The following SGCZ variants were observed in gnomAD, a reference collection of about 807,000 sequenced individuals.
The protein encoded by SGCZ is zeta-sarcoglycan.
SGCZ carries 40 observed loss-of-function variants against 41.3 expected under a neutral mutation model. That is an observed-to-expected ratio of 0.97 (90% CI 0.75 to 1.26). The LOEUF is 1.26. Among genes scored for constraint, SGCZ ranks in the 50% most tolerant of loss-of-function variants. The pLI is 0.00. For missense variants in SGCZ, 552 were observed against 369.8 expected, an observed-to-expected ratio of 1.49 and a Z score of -4.04; for synonymous variants, 206 against 137.5, an observed-to-expected ratio of 1.50 and a Z score of -3.49.
chr8:15,011,785 C>T (rs1802835025), intron 1 of SGCZ, among the ~76,000 whole-genome samples: 1 of 152,138 alleles, frequency 6.6e-6, no homozygotes, highest in Admixed American at 6.6e-5. Flanking sequence ...ATTGTATGAA[C>T]TTATCACTGC....
intron 1 of SGCZ, among the ~76,000 whole-genome samples, chr8:14,662,930 T>C (rs191544949): frequency 3.3e-5 from 5 of 151,852 alleles, no homozygotes; most frequent in Admixed American, 3.3e-4. Flanking sequence ...TAGAAATGGG[T>C]TTCAGCTGAC....
At chr8:14,470,106 G>C (rs1050832550) in intron 2 of SGCZ, among the ~76,000 whole-genome samples, 2 of 151,982 alleles carry the variant, frequency 1.3e-5, no homozygotes, top group Non-Finnish European at 2.9e-5. Flanking sequence ...CAATCTGTGA[G>C]GTCTGATGCT....
chr8:14,461,224 T>G (rs913038416), intron 2 of SGCZ, among the ~76,000 whole-genome samples: 3 of 152,136 alleles, frequency 2.0e-5, no homozygotes, highest in African/African-American at 7.2e-5. Context: ...ATAACTTGTT[T>G]TGGCAGTAGT....
chr8:14,591,281 C>T (rs1805231437), intron 1 of SGCZ, among the ~76,000 whole-genome samples: 1 of 151,818 alleles, frequency 6.6e-6, no homozygotes, highest in Non-Finnish European at 1.5e-5. Flanking sequence ...CAAACTAAGT[C>T]TACTTAGAAA....
chr8:14,111,086 A>G (rs201507935), intron 5 of SGCZ, among the ~76,000 whole-genome samples: 2 of 49,350 alleles, frequency 4.1e-5, no homozygotes, highest in African/African-American at 1.9e-4. Flanking sequence ...AACAAACTTT[A>G]AAAAAAAACT....
At chr8:15,186,327 C>CA (rs1397401957) in intron 1 of SGCZ, among the ~76,000 whole-genome samples, 1 of 140,534 alleles carries the variant, frequency 7.1e-6, no homozygotes, top group Non-Finnish European at 1.5e-5. Flanking sequence ...TGTAGTAGTC[C>CA]AAAGAGAAAT....
At chr8:14,531,155 C>T (rs971545242) in intron 2 of SGCZ, among the ~76,000 whole-genome samples, 2 of 152,052 alleles carry the variant, frequency 1.3e-5, no homozygotes, top group Non-Finnish European at 2.9e-5. Flanking sequence ...TGGTTCTTTA[C>T]ACTATCATAC....
intron 1 of SGCZ, among the ~76,000 whole-genome samples, chr8:14,683,156 A>G (rs906125487): frequency 2.0e-5 from 3 of 152,196 alleles, no homozygotes; most frequent in Admixed American, 2.0e-4. Context: ...CAATGATTCA[A>G]CAAGGTACTC....
intron 3 of SGCZ, among the ~76,000 whole-genome samples, chr8:14,283,874 T>TA (rs532864335): frequency 1.3e-5 from 2 of 152,230 alleles, no homozygotes; most frequent in Non-Finnish European, 2.9e-5. Context: ...TAGTTTACAT[T>TA]AAAAAAATTT....
chr8:14,872,207 T>A (rs546611958), intron 1 of SGCZ, among the ~76,000 whole-genome samples: 38 of 152,048 alleles, frequency 2.5e-4, no homozygotes, highest in Middle Eastern at 3.4e-3. Context: ...TTAGGAGAAA[T>A]ACCTAATGTA....
chr8:15,032,080 C>A (rs918511038), intron 1 of SGCZ, among the ~76,000 whole-genome samples: 81 of 152,108 alleles, frequency 5.3e-4, no homozygotes, highest in African/African-American at 1.8e-3. Flanking sequence ...CTTCTCTGAT[C>A]TTCAGTGTCC....
At chr8:14,656,305 G>T (rs1807566188) in intron 1 of SGCZ, among the ~76,000 whole-genome samples, 1 of 151,740 alleles carries the variant, frequency 6.6e-6, no homozygotes, top group Non-Finnish European at 1.5e-5. Flanking sequence ...AGCAAGATTT[G>T]TTACAGCCCT....
chr8:14,100,289 C>T (rs1007808322), intron 7 of SGCZ, among the ~76,000 whole-genome samples: 1 of 150,406 alleles, frequency 6.6e-6, no homozygotes, highest in African/African-American at 2.5e-5. Context: ...TCTGCTGATA[C>T]CATGAATAAA....
At chr8:14,936,715 C>T (rs1800096086) in intron 1 of SGCZ, among the ~76,000 whole-genome samples, 2 of 151,710 alleles carry the variant, frequency 1.3e-5, no homozygotes, top group African/African-American at 4.8e-5. Flanking sequence ...TCATACATAC[C>T]ACATTACTTG....
At chr8:14,625,679 C>T (rs1220842185) in intron 1 of SGCZ, among the ~76,000 whole-genome samples, 16 of 152,126 alleles carry the variant, frequency 1.1e-4, no homozygotes, top group Non-Finnish European at 2.2e-4. Flanking sequence ...AATTCTCCCA[C>T]CTTGGCCTCC....
chr8:14,520,546 C>T (rs1479358640), intron 2 of SGCZ, among the ~76,000 whole-genome samples: 1 of 152,086 alleles, frequency 6.6e-6, no homozygotes, highest in Non-Finnish European at 1.5e-5. Flanking sequence ...ATATAAAACA[C>T]ATCAATTTCC....
chr8:15,159,759 C>A (rs1427415445), intron 1 of SGCZ, among the ~76,000 whole-genome samples: 1,815 of 71,902 alleles, frequency 0.025, 145 homozygotes, highest in East Asian at 0.2. Context: ...CCCACCCCCG[C>A]CACACACACA....
chr8:14,437,714 T>C lies in SGCZ; in HGVS notation c.235-113510A>G, dbSNP rs191443194. Among the ~76,000 whole-genome samples, 375 of 151,952 alleles carry C rather than the reference T, an allele frequency of 2.5e-3. 2 individuals are homozygous for C. Among genetic ancestry groups the C allele is most frequent in the Non-Finnish European group, 4.1e-3 (277 of 67,840 alleles). ...CATGTTTAGAATTGATAAATAAAAA[T>C]TTATATTTCATATAATATTGTATTA... On this transcript the variant is annotated intron_variant, in intron 2 of 7. Coordinates refer to ENST00000382080, the MANE Select transcript of SGCZ (RefSeq NM_139167.4).
chr8:14,636,331 G>T (rs758705421), intron 1 of SGCZ, among the ~76,000 whole-genome samples: 3 of 151,816 alleles, frequency 2.0e-5, no homozygotes, highest in African/African-American at 2.4e-5. Context: ...GAAAGATCAC[G>T]TTAACCACAA....
Sources: gnomAD v4.1 joint callset for allele counts (sites outside exome capture counted in the v4.1 genomes callset) on GRCh38, gnomAD v4.1.1 for gene constraint, MANE v1.5 for transcripts, NCBI Gene and HGNC (gene_info 2026-07-23, HGNC 2026-07-21) for gene names.